RFX4: variants seen among roughly 807,000 people sequenced by gnomAD.
RFX4 encodes the protein regulatory factor X4.
In RFX4, 10 loss-of-function variants were observed where a neutral mutation model predicts 95.0. The ratio of observed to expected loss-of-function variants is 0.11; its 90% CI spans 0.06 to 0.18. The LOEUF is 0.18. Among genes scored for constraint, RFX4 ranks in the 10% least tolerant of loss-of-function variants. The probability of loss-of-function intolerance (pLI) is 1.00; values close to 1 mark genes in which losing one functional copy is unlikely to be tolerated. For missense variants in RFX4, 640 were observed against 922.0 expected (o/e 0.69, Z 3.96); for synonymous variants, 321 against 340.7 (o/e 0.94, Z 0.64).
chr12:106,712,959 G>A (rs2042219419), intron 10 of RFX4, among the ~76,000 whole-genome samples: 1 of 152,112 alleles, frequency 6.6e-6, no homozygotes, highest in South Asian at 2.1e-4. Context: ...GTAGATAAAA[G>A]CGTCCACACC....
chr12:106,646,269 G>A (rs2137298257), intron 3 of RFX4, among the ~76,000 whole-genome samples: 1 of 151,990 alleles, frequency 6.6e-6, no homozygotes, highest in Middle Eastern at 3.4e-3. Flanking sequence ...AGGGACCACT[G>A]AGGAGGTAGC....
At chr12:106,729,259 C>T (rs2042563907) in intron 13 of RFX4, among the ~76,000 whole-genome samples, 1 of 152,074 alleles carries the variant, frequency 6.6e-6, no homozygotes, top group Non-Finnish European at 1.5e-5. Flanking sequence ...GATCAACATC[C>T]CAGCAAGTAA....
intron 15 of RFX4, among the ~76,000 whole-genome samples, chr12:106,737,790 T>C (rs2042739292): frequency 1.3e-5 from 2 of 152,200 alleles, no homozygotes; most frequent in South Asian, 2.1e-4. Flanking sequence ...GATTTCACTT[T>C]GGGTACACAG....
chr12:106,711,776 C>T (rs2042194935), intron 10 of RFX4, among the ~76,000 whole-genome samples: 1 of 152,008 alleles, frequency 6.6e-6, no homozygotes, highest in African/African-American at 2.4e-5. Flanking sequence ...ATTATCCAGC[C>T]CAAAATGTAT....
At chr12:106,681,914 T>G in intron 4 of RFX4, 79 bp from the exon 5 acceptor site, 2 of 1,468,522 alleles carry the variant, frequency 1.4e-6, no homozygotes, top group Admixed American at 3.3e-5. Context: ...CTCCCTTCTG[T>G]AGATGGCTAT....
At chr12:106,743,746 C>A (rs888725644) in intron 15 of RFX4, among the ~76,000 whole-genome samples, 1 of 152,196 alleles carries the variant, frequency 6.6e-6, no homozygotes, top group African/African-American at 2.4e-5. Flanking sequence ...TGGCTATTAT[C>A]ATGACTTCTT....
At chr12:106,727,070 C>A (rs1420012892) in intron 13 of RFX4, among the ~76,000 whole-genome samples, 5 of 151,872 alleles carry the variant, frequency 3.3e-5, no homozygotes, top group Non-Finnish European at 7.4e-5. Flanking sequence ...CCACACCCAG[C>A]CTACACACAT....
chr12:106,709,438 CTGAGT>C lies in RFX4; in HGVS notation c.934+13_934+17del. 6.2e-7 allele frequency: 1 copy of C among 1,603,974 alleles called. No individual in the cohort carries two copies. The highest frequency in any genetic ancestry group is 8.5e-7 in the Non-Finnish European group (1 of 1,174,398). On this transcript the variant is annotated intron_variant, in intron 9 of 17. Coordinates refer to ENST00000392842, the MANE Select transcript of RFX4 (RefSeq NM_213594.3). ...GAAACATCAAGTTCGAATGTAAGTA[CTGAGT>C]TGAGAGCGGGATGGAAGAGAGAATT...
At chr12:106,662,651 T>A (rs1200439335) in intron 4 of RFX4, among the ~76,000 whole-genome samples, 1 of 152,178 alleles carries the variant, frequency 6.6e-6, no homozygotes, top group African/African-American at 2.4e-5. Flanking sequence ...CAAGGTCATC[T>A]AAGTTTCCTT....
chr12:106,678,594 C>T (rs1415154231), intron 4 of RFX4, among the ~76,000 whole-genome samples: 1 of 152,084 alleles, frequency 6.6e-6, no homozygotes, highest in Non-Finnish European at 1.5e-5. Flanking sequence ...TTTCTATTTG[C>T]AAAAAACAAA....
chr12:106,700,208 T>C (rs2041958496), intron 8 of RFX4, among the ~76,000 whole-genome samples: 1 of 151,958 alleles, frequency 6.6e-6, no homozygotes, highest in African/African-American at 2.4e-5. Context: ...ATTTTTTTAC[T>C]TTTATGTAGA....
At chr12:106,654,124 G>A (rs1207917746) in intron 3 of RFX4, 104 bp from the exon 4 acceptor site, 9 of 1,483,150 alleles carry the variant, frequency 6.1e-6, no homozygotes, top group Non-Finnish European at 7.5e-6. Flanking sequence ...TAGAAAGAAC[G>A]TTATTTCTAA....
intron 2 of RFX4, among the ~76,000 whole-genome samples, chr12:106,610,828 A>T (rs1026620610): frequency 1.2e-4 from 19 of 152,280 alleles, no homozygotes; most frequent in African/African-American, 4.3e-4. Flanking sequence ...GGCGGTATAT[A>T]CCCAGAAATG....
chr12:106,699,828 G>T (rs566560398), intron 8 of RFX4, among the ~76,000 whole-genome samples: 1 of 151,630 alleles, frequency 6.6e-6, no homozygotes, highest in African/African-American at 2.4e-5. Flanking sequence ...CTTTTTTATT[G>T]TCTGGCAATT....
chr12:106,583,568 G>T (rs1191462554), intron 1 of RFX4: 6 of 439,292 alleles, frequency 1.4e-5, no homozygotes, highest in African/African-American at 2.0e-5. Context: ...GCGTGTGATT[G>T]TGTACGTGTG....
intron 3 of RFX4, among the ~76,000 whole-genome samples, chr12:106,646,128 T>C (rs1163512205): frequency 6.6e-6 from 1 of 152,174 alleles, no homozygotes; most frequent in Non-Finnish European, 1.5e-5. Context: ...GCAGCTGTGC[T>C]TCTTGATGCT....
intron 1 of RFX4, among the ~76,000 whole-genome samples, chr12:106,605,875 G>C (rs2137195194): frequency 6.6e-6 from 1 of 152,308 alleles, no homozygotes; most frequent in South Asian, 2.1e-4. Context: ...TGATCTGAGT[G>C]GGTGCAATGG....
At chr12:106,747,143 G>C (rs2042911566) in intron 15 of RFX4, among the ~76,000 whole-genome samples, 1 of 152,126 alleles carries the variant, frequency 6.6e-6, no homozygotes, top group Admixed American at 6.6e-5. Context: ...ACAGCTTTTT[G>C]GACTGTGAGA....
At chr12:106,704,369 CA>C (rs1278484840) in intron 8 of RFX4, among the ~76,000 whole-genome samples, 29 of 152,220 alleles carry the variant, frequency 1.9e-4, no homozygotes, top group Non-Finnish European at 4.0e-4. Context: ...GCTTACAAAT[CA>C]AGTGCCGTTT....
Sources: gnomAD v4.1 joint callset for allele counts (sites outside exome capture counted in the v4.1 genomes callset) on GRCh38, gnomAD v4.1.1 for gene constraint, MANE v1.5 for transcripts, NCBI Gene and HGNC (gene_info 2026-07-23, HGNC 2026-07-21) for gene names.